Variants in NEK1 observed in about 807,000 individuals in gnomAD.
NEK1 encodes serine/threonine-protein kinase Nek1.
Under a neutral mutation model 182.1 loss-of-function variants are expected in NEK1, and 137 were observed. The observed-to-expected ratio is 0.75, with a 90% CI of 0.65 to 0.87. The LOEUF (loss-of-function observed/expected upper bound fraction) is 0.87, where lower values mean the gene tolerates loss of function less well. Among genes scored for constraint, NEK1 ranks in the 40% least tolerant of loss-of-function variants. The pLI, the probability that NEK1 is intolerant of heterozygous loss-of-function variation, is 0.00. For missense variants in NEK1, 1,391 were observed against 1,494.4 expected (o/e 0.93, Z 1.14); for synonymous variants, 513 against 492.2 (o/e 1.04, Z -0.56).
chr4:169,412,615 C>T (rs529614690), intron 31 of NEK1, among the ~76,000 whole-genome samples: 1 of 152,120 alleles, frequency 6.6e-6, no homozygotes, highest in Non-Finnish European at 1.5e-5. Flanking sequence ...TAAAAAGTCC[C>T]TAACTGATGA....
At chr4:169,437,472 A>C (rs964353834) in intron 28 of NEK1, among the ~76,000 whole-genome samples, 2 of 152,148 alleles carry the variant, frequency 1.3e-5, no homozygotes, top group Non-Finnish European at 1.5e-5. Context: ...CTTCCCATTG[A>C]GAGGTGGGTT....
At chr4:169,594,046 C>G (rs1769026300) in intron 5 of NEK1, among the ~76,000 whole-genome samples, 1 of 151,434 alleles carries the variant, frequency 6.6e-6, no homozygotes, top group Non-Finnish European at 1.5e-5. Flanking sequence ...TATTTCATCA[C>G]ACATTAGTTC....
At chr4:169,460,885 T>G (rs1312415413) in intron 27 of NEK1, among the ~76,000 whole-genome samples, 1 of 152,144 alleles carries the variant, frequency 6.6e-6, no homozygotes, top group African/African-American at 2.4e-5. Context: ...CAAACTGTTA[T>G]GAAAATGGAA....
chr4:169,428,316 G>A (rs998276988), intron 29 of NEK1, among the ~76,000 whole-genome samples: 1 of 124,456 alleles, frequency 8.0e-6, no homozygotes, highest in Non-Finnish European at 1.7e-5. Flanking sequence ...AACAACCTAC[G>A]TGCCCATCAA....
intron 31 of NEK1, among the ~76,000 whole-genome samples, chr4:169,411,081 G>A (rs1733594563): frequency 3.3e-5 from 5 of 152,172 alleles, no homozygotes. Flanking sequence ...GGACAAGATA[G>A]GTCTCACTCT....
chr4:169,416,015 A>G (rs1222988308), intron 31 of NEK1, among the ~76,000 whole-genome samples: 1 of 152,158 alleles, frequency 6.6e-6, no homozygotes, highest in Non-Finnish European at 1.5e-5. Context: ...TCTTTAAGAC[A>G]TTGTATTCCT....
At chr4:169,412,393 T>C (rs1031174992) in intron 31 of NEK1, among the ~76,000 whole-genome samples, 1 of 152,230 alleles carries the variant, frequency 6.6e-6, no homozygotes, top group African/African-American at 2.4e-5. Context: ...TAGACTGATT[T>C]CTACTTTTAA....
chr4:169,580,736 A>T lies in NEK1; in HGVS notation c.868+106T>A, dbSNP rs1766497599. On this transcript the variant is annotated intron_variant, in intron 11 of 35. Coordinates refer to ENST00000507142, the MANE Select transcript of NEK1 (RefSeq NM_001199397.3). ...CTAAGGTGCATTTTCTCTGGATTAA[A>T]TTTATCCTAGAATTATCCCAACTTA... 3 of 710,790 alleles carry T rather than the reference A, an allele frequency of 4.2e-6. No individual in the cohort carries two copies. The East Asian group carries it at 8.6e-5, about 20-fold the overall frequency. The allele number at this position is 710,790 out of a possible 1,614,324, so 44.0% of individuals were successfully genotyped here.
rs1580014914 is a variant in NEK1, at chr4:169,477,475, CG to C, written c.2161del (p.Arg721GlyfsTer24). ...CTTTTGCATCTCTTCTGAAGTTTCC[CG>C]GGTATCAGTTAAACTACTGTCCTTT... ...VGVDSSLTDT[R>X]ETSEEMQKTN... is the part of the protein sequence containing the mutation. On this transcript the variant is annotated frameshift_variant, in exon 25 of 36. Transcript: ENST00000507142. LOFTEE classifies it high-confidence loss of function. The C allele has an allele frequency of 1.9e-6, 3 of 1,607,294 alleles. No homozygotes were observed. The highest frequency in any genetic ancestry group is 2.5e-6 in the Non-Finnish European group (3 of 1,176,646).
chr4:169,507,182 G>A, intron 22 of NEK1, 50 bp from the exon 23 acceptor site: 1 of 853,046 alleles, frequency 1.2e-6, no homozygotes, highest in East Asian at 3.2e-5. Context: ...GAAGGGCAGA[G>A]GTTTTTTTTT....
intron 2 of NEK1, among the ~76,000 whole-genome samples, chr4:169,611,050 T>G (rs1772240260): frequency 6.6e-6 from 1 of 152,232 alleles, no homozygotes. Context: ...TCAGACAATA[T>G]TCAACAGATT....
chr4:169,556,077 C>T lies in NEK1; in HGVS notation c.1285G>A (p.Gly429Arg), dbSNP rs1762124949. Residue 429 changes from glycine (G) to arginine (R), a missense_variant, in exon 17 of 36, where the codon GGA becomes AGA. By Grantham distance (125) the Gly-to-Arg change is moderately radical. Around this residue, in one of 5 missense-constraint regions of NEK1, gnomAD observed 1,216 missense variants for 1,277.6 expected, o/e 0.95. Coordinates refer to ENST00000507142, the MANE Select transcript of NEK1 (RefSeq NM_001199397.3). Reference sequence around the variant, plus strand: ...AAAGATGATGGAGCTATAGTCCCTCCACTGCCCAGAAAAGGAGCCTAGGGA... The same window carrying T: ...AAAGATGATGGAGCTATAGTCCCTCTACTGCCCAGAAAAGGAGCCTAGGGA... The part of the protein sequence containing the change: ...GEVKAPFLGS[G>R]GTIAPSSFSS... The T allele has an allele frequency of 1.2e-6, 2 of 1,612,646 alleles. No homozygotes were observed. The highest frequency in any genetic ancestry group is 2.7e-5 in the African/African-American group (2 of 74,922).
intron 28 of NEK1, among the ~76,000 whole-genome samples, chr4:169,436,464 T>C (rs1738435175): frequency 6.6e-6 from 1 of 152,134 alleles, no homozygotes; most frequent in South Asian, 2.1e-4. Flanking sequence ...GTAACTGCAA[T>C]AATGTGGAAG....
At chr4:169,488,831 T>C (rs1749523772) in intron 23 of NEK1, among the ~76,000 whole-genome samples, 2 of 152,218 alleles carry the variant, frequency 1.3e-5, no homozygotes, top group South Asian at 4.1e-4. Context: ...TTAGACTTTC[T>C]ATTGAAATAA....
At chr4:169,496,541 T>C (rs1205749790) in intron 23 of NEK1, among the ~76,000 whole-genome samples, 5 of 151,368 alleles carry the variant, frequency 3.3e-5, no homozygotes, top group Non-Finnish European at 2.9e-5. Flanking sequence ...GCTGTGGGTT[T>C]GTCATAGATA....
rs1283993940 is a variant in NEK1, at chr4:169,537,895, C to T, written c.1579G>A (p.Ala527Thr). 1.2e-6 allele frequency: 2 copies of T among 1,602,366 alleles called. No individual in the cohort carries two copies. The highest frequency in any genetic ancestry group is 2.3e-5 in the South Asian group (2 of 88,448). ...TCTACTTGTTTAGCTCTTTCTACAG[C>T]TAGCTGCCCTTTTTGCCTAATTTGG... Reference protein sequence around the residue: ...ANANRQKGQLAVERAKQVEEF... With the variant: ...ANANRQKGQLTVERAKQVEEF... The change falls in exon 19 of 36, where the codon GCT becomes ACT. Residue 527 changes from alanine to threonine, a missense_variant. Around this residue, in one of 5 missense-constraint regions of NEK1, gnomAD observed 1,216 missense variants for 1,277.6 expected, o/e 0.95. Transcript: ENST00000507142.
At chr4:169,579,191 G>C (rs377088856) in intron 11 of NEK1, among the ~76,000 whole-genome samples, 2 of 152,104 alleles carry the variant, frequency 1.3e-5, no homozygotes, top group South Asian at 2.1e-4. Context: ...TTAACATAGG[G>C]GACTGGAGGC....
intron 31 of NEK1, among the ~76,000 whole-genome samples, chr4:169,409,755 G>A (rs970501334): frequency 6.6e-6 from 1 of 152,140 alleles, no homozygotes; most frequent in Non-Finnish European, 1.5e-5. Flanking sequence ...GCGACAGAGC[G>A]AGACTTTGTC....
chr4:169,595,453 A>G (rs12507019), intron 5 of NEK1, among the ~76,000 whole-genome samples: 25,966 of 152,170 alleles, frequency 0.17, 2,846 homozygotes, highest in South Asian at 0.31. Context: ...ATAGTTTTAC[A>G]TATTTTTACT....
Sources: gnomAD v4.1 joint callset for allele counts (sites outside exome capture counted in the v4.1 genomes callset) on GRCh38, gnomAD v4.1.1 for gene constraint, gnomAD v4.1.1 regional missense constraint, MANE v1.5 for transcripts, NCBI Gene and HGNC (gene_info 2026-07-23, HGNC 2026-07-21) for gene names.